The following DNMT1 variants were observed in gnomAD, a reference collection of about 807,000 sequenced individuals.
DNMT1 encodes DNA methyltransferase 1.
Under a neutral mutation model 205.3 loss-of-function variants are expected in DNMT1, and 24 were observed. The ratio of observed to expected loss-of-function variants is 0.12; its 90% CI spans 0.08 to 0.16. DNMT1 has a LOEUF of 0.16. Among genes scored for constraint, DNMT1 ranks in the 10% least tolerant of loss-of-function variants. DNMT1 has a pLI of 1.00. For missense variants in DNMT1, 1,293 were observed against 2,177.7 expected, an observed-to-expected ratio of 0.59 and a Z score of 8.09; for synonymous variants, 817 against 839.8, an observed-to-expected ratio of 0.97 and a Z score of 0.47.
Position 10,148,350 on chromosome 19 carries a change from G to C in DNMT1, c.2720+534C>G, listed in dbSNP as rs531808216. On this transcript the variant is annotated intron_variant, in intron 27 of 40. Transcript: ENST00000359526. The stretch of plus-strand genomic sequence containing the variant: ...TCTCTACTAAAAATACAAAAAACTA[G>C]CCGGGTGTGGTGGCAGGCGCCTGTA... Among the ~76,000 whole-genome samples, 401 of 150,414 alleles carry C rather than the reference G, an allele frequency of 2.7e-3. 1 individual carries two copies. Among genetic ancestry groups the C allele is most frequent in the African/African-American group, 9.2e-3 (377 of 41,166 alleles).
chr19:10,180,738 G>A (rs780823254), intron 3 of DNMT1, 40 bp downstream of exon 3: 1 of 1,594,558 alleles, frequency 6.3e-7, no homozygotes, highest in Non-Finnish European at 8.6e-7. Context: ...ACTAGGAGGA[G>A]ACATTTTTCT....
chr19:10,186,507 C>G (rs1350306037), intron 1 of DNMT1, among the ~76,000 whole-genome samples: 1 of 152,110 alleles, frequency 6.6e-6, no homozygotes, highest in Non-Finnish European at 1.5e-5. Context: ...TAGTGCTTCC[C>G]TCAGAGATGA....
chr19:10,135,698 C>T (rs1182230891), intron 39 of DNMT1, 38 bp downstream of exon 39: 1 of 1,592,608 alleles, frequency 6.3e-7, no homozygotes, highest in Non-Finnish European at 8.5e-7. Flanking sequence ...ACAGAAGCCT[C>T]CTTCCTGTCC....
chr19:10,162,959 A>G (rs1381296068), intron 12 of DNMT1: 3 of 569,930 alleles, frequency 5.3e-6, no homozygotes, highest in Admixed American at 3.4e-5. Flanking sequence ...GGTTTCTAGA[A>G]CAGGCTTTTT....
chr19:10,148,893 T>A lies in DNMT1; in HGVS notation c.2711A>T (p.Asn904Ile), dbSNP rs1287452669. The A allele has an allele frequency of 1.6e-5, 26 of 1,614,088 alleles. No individual in the cohort carries two copies. The highest frequency in any genetic ancestry group is 2.0e-5 in the Non-Finnish European group (24 of 1,180,038). ...SPPKTQPTEDNKFKFCVSCAR... is the reference protein window; with the variant it reads ...SPPKTQPTEDIKFKFCVSCAR... ...CAGCCCCAGTGCTCACTTGAACTTG[T>A]TGTCCTCTGTTGGCTGGGTTTTTGG... is the stretch of plus-strand genomic sequence containing the variant. Residue 904 changes from asparagine to isoleucine, a missense_variant, in exon 27 of 41, where the codon AAC becomes ATC. Physicochemically the swap from Asn to Ile is moderately radical, Grantham distance 149 (BLOSUM62 -3). This residue lies in a region of DNMT1 where 112 missense variants were observed against 116.6 expected (regional missense o/e 0.96). Coordinates refer to ENST00000359526, the MANE Select transcript of DNMT1 (RefSeq NM_001130823.3).
rs35238334 is a variant in DNMT1, at chr19:10,186,838, CAAA to C, written c.81-4764_81-4762del. On this transcript the variant is annotated intron_variant, in intron 1 of 40. Coordinates refer to ENST00000359526, the MANE Select transcript of DNMT1 (RefSeq NM_001130823.3). ...GGACAACAAGAGTGAAACTCCGTCTCAAAAAAAAAAAAAAAAAAAAAGATATAT... is the reference window on the plus strand; with the variant it reads ...GGACAACAAGAGTGAAACTCCGTCTCAAAAAAAAAAAAAAAAAAGATATAT... Among the ~76,000 whole-genome samples, 24 of 70,688 alleles carry C rather than the reference CAAA, an allele frequency of 3.4e-4. 1 individual carries two copies. The highest frequency in any genetic ancestry group is 1.2e-3 in the African/African-American group (20 of 16,966). The allele number at this position is 70,688 out of a possible 152,430, so 46.4% of individuals were successfully genotyped here. A position where few individuals can be genotyped will look rare whatever the true frequency, so the allele number is the denominator to read the frequency against.
At chr19:10,160,804 T>C (rs1414501997) in intron 13 of DNMT1, among the ~76,000 whole-genome samples, 1 of 152,218 alleles carries the variant, frequency 6.6e-6, no homozygotes, top group East Asian at 1.9e-4. Flanking sequence ...GAAGAATTGC[T>C]TGAACCCGAG....
At chr19:10,164,343 A>G (rs1381718117) in intron 11 of DNMT1, among the ~76,000 whole-genome samples, 9 of 152,134 alleles carry the variant, frequency 5.9e-5, no homozygotes, top group African/African-American at 1.4e-4. Flanking sequence ...GGGTTTCACC[A>G]TGTTGGTCAG....
intron 17 of DNMT1, among the ~76,000 whole-genome samples, chr19:10,158,495 AC>A (rs2038501778): frequency 6.6e-6 from 1 of 152,084 alleles, no homozygotes; most frequent in African/African-American, 2.4e-5. Context: ...GGAAAATACC[AC>A]CCAGGCCTAA....
chr19:10,187,739 G>A (rs1026866794), intron 1 of DNMT1, among the ~76,000 whole-genome samples: 2 of 151,194 alleles, frequency 1.3e-5, no homozygotes, highest in Admixed American at 6.6e-5. Context: ...GTGGTGGCAT[G>A]CACCTATAGT....
In DNMT1 at chr19:10,148,985, C is replaced by A. The variant is rs1219008635; in HGVS notation, c.2619G>T (p.Gly873=). Residue 873 remains glycine (G), a synonymous_variant, in exon 27 of 41, where the codon GGG becomes GGT. Coordinates refer to ENST00000359526, the MANE Select transcript of DNMT1 (RefSeq NM_001130823.3). Reference sequence around the variant, plus strand: ...GGTAGAAGTAGGTCTTCCCGTCGTCCCCCTCCAGCAGGGACTCGGGATCCA... The same window carrying A: ...GGTAGAAGTAGGTCTTCCCGTCGTCACCCTCCAGCAGGGACTCGGGATCCA... ...GGMDPESLLE[G]DDGKTYFYQL... is the part of the protein sequence containing the mutation. The A allele has an allele frequency of 3.1e-6, 5 of 1,613,994 alleles. No individual in the cohort carries two copies. The African/African-American group carries it at 6.7e-5, about 22-fold the overall frequency.
At chr19:10,153,562 G>A (rs1336479687) in intron 22 of DNMT1, among the ~76,000 whole-genome samples, 4 of 151,818 alleles carry the variant, frequency 2.6e-5, no homozygotes, top group Admixed American at 6.6e-5. Flanking sequence ...GATTGAACCC[G>A]GGAGGCGGAG....
rs545950168 is a variant in DNMT1 at position 10,171,544 on chromosome 19, G to A, written c.768+1546C>T. ...AAATTGGCTAGGCGCGGTGGTTCAC[G>A]CCTGTAATCCCAGCACTTTGGGAGG... On this transcript the variant is annotated intron_variant, in intron 9 of 40. Transcript: ENST00000359526. 5.9e-5 allele frequency among the ~76,000 whole-genome samples: 9 copies of A among 152,222 alleles called. No homozygotes were observed. The East Asian group carries it at 1.2e-3, about 20-fold the overall frequency.
At chr19:10,189,846 C>G (rs941553429) in intron 1 of DNMT1, among the ~76,000 whole-genome samples, 1 of 152,148 alleles carries the variant, frequency 6.6e-6, no homozygotes, top group Non-Finnish European at 1.5e-5. Context: ...CACAGTACCA[C>G]GTAATAACCA....
chr19:10,190,588 C>A (rs980211619), intron 1 of DNMT1, among the ~76,000 whole-genome samples: 1 of 151,748 alleles, frequency 6.6e-6, no homozygotes, highest in Admixed American at 6.6e-5. Context: ...CACGGTAAAC[C>A]CCGGTTTCTA....
In DNMT1 at chr19:10,159,550, T is replaced by C. The variant is rs1194241847; in HGVS notation, c.1280+108A>G. 8.9e-7 allele frequency: 1 copy of C among 1,118,906 alleles called. No homozygotes were observed. Among genetic ancestry groups the C allele is most frequent in the African/African-American group, 1.5e-5 (1 of 65,148 alleles). 69.3% of individuals were successfully genotyped at this position (1,118,906 alleles called of 1,614,324 possible). On this transcript the variant is annotated intron_variant, in intron 17 of 40. Coordinates refer to ENST00000359526, the MANE Select transcript of DNMT1 (RefSeq NM_001130823.3). The surrounding 1 kb of genome is among the most constrained non-coding windows in gnomAD (Gnocchi z 5.0). ...ATCCACGAAGTGTTAGCTTAAGACATGTTGCAGGTCAGGCACTAAAAAACA... is the reference window on the plus strand; with the variant it reads ...ATCCACGAAGTGTTAGCTTAAGACACGTTGCAGGTCAGGCACTAAAAAACA...
At position 10,151,268 on chromosome 19, in the gene DNMT1, A is replaced by G. The variant is rs1009877985; in HGVS notation, c.2265+130T>C. The G allele has an allele frequency of 7.3e-7, 1 of 1,377,568 alleles. No homozygotes were observed. The allele number at this position is 1,377,568 out of a possible 1,614,324, so 85.3% of individuals were successfully genotyped here. ...TCTCTTGGCCAGTCCCGCTCTTCTC[A>G]GGGGCAAACAGACAGGTTTCTTAGT... On this transcript the variant is annotated intron_variant, in intron 24 of 40. Coordinates refer to ENST00000359526, the MANE Select transcript of DNMT1 (RefSeq NM_001130823.3). This position sits in a 1 kb window ranked among gnomAD's most constrained non-coding sequence, Gnocchi z 5.0.
intron 17 of DNMT1, among the ~76,000 whole-genome samples, chr19:10,158,683 C>G (rs927169001): frequency 6.6e-6 from 1 of 152,182 alleles, no homozygotes; most frequent in African/African-American, 2.4e-5. Context: ...ACGGGCCGGA[C>G]GCCAGGCACC....
chr19:10,137,298 G>T lies in DNMT1; in HGVS notation c.4294-18C>A, dbSNP rs750474625. ...CTCATGTCCTGAAAGAGTGTGGGGG[G>T]CCCAGCTGTCACCTCATGTGAGCAG... On this transcript the variant is annotated intron_variant, in intron 36 of 40. Coordinates refer to ENST00000359526, the MANE Select transcript of DNMT1 (RefSeq NM_001130823.3). This position sits in a 1 kb window ranked among gnomAD's most constrained non-coding sequence, Gnocchi z 6.4. 1.3e-5 allele frequency: 21 copies of T among 1,591,364 alleles called. No individual in the cohort carries two copies. In the Admixed American group the frequency reaches 3.5e-4, roughly 27 times the overall value.
Sources: allele counts gnomAD v4.1 joint callset (sites outside exome capture counted in the v4.1 genomes callset), GRCh38; gene constraint gnomAD v4.1.1; regional missense constraint gnomAD v4.1.1; non-coding constraint Gnocchi (gnomAD v3.1); transcripts MANE v1.5; gene names NCBI Gene and HGNC (gene_info 2026-07-23, HGNC 2026-07-21).